SUCO: variants seen among roughly 807,000 people sequenced by gnomAD.
The protein encoded by SUCO is SUN domain containing ossification factor, also known as SUN domain-containing ossification factor.
In SUCO, 57 loss-of-function variants were observed where a neutral mutation model predicts 148.1. The observed-to-expected ratio is 0.38, with a 90% CI of 0.31 to 0.48. The LOEUF is 0.48. Among genes scored for constraint, SUCO ranks in the 20% least tolerant of loss-of-function variants. The pLI is 0.96. For synonymous variants in SUCO, 470 were observed against 502.7 expected, an observed-to-expected ratio of 0.93 and a Z score of 0.87; for missense variants, 1,331 against 1,468.2, an observed-to-expected ratio of 0.91 and a Z score of 1.53.
intron 15 of SUCO, among the ~76,000 whole-genome samples, chr1:172,580,833 G>A (rs1486116221): frequency 2.6e-5 from 4 of 152,150 alleles, no homozygotes; most frequent in Admixed American, 6.5e-5. Context: ...CAGGCACAGC[G>A]GCTCATGCTT....
intron 19 of SUCO, among the ~76,000 whole-genome samples, chr1:172,598,226 T>C (rs1045118186): frequency 6.6e-6 from 1 of 152,222 alleles, no homozygotes; most frequent in Admixed American, 6.5e-5. Context: ...CCACAGAATT[T>C]CCTTTGTATA....
At position 172,535,033 on chromosome 1, in the gene SUCO, A is replaced by AT. The variant is rs1328583997; in HGVS notation, c.62+1539dup. 5.9e-5 allele frequency among the ~76,000 whole-genome samples: 9 copies of AT among 152,296 alleles called. No homozygotes were observed. The East Asian group carries it at 1.7e-3, about 29-fold the overall frequency. ...ATGTGATTCTTACAATCATTTGTAAATTTAAGTTAACTCTGCTTCTATTTC... is the reference window on the plus strand; with the variant it reads ...ATGTGATTCTTACAATCATTTGTAAATTTTAAGTTAACTCTGCTTCTATTTC... On this transcript the variant is annotated intron_variant, in intron 1 of 23. Transcript: ENST00000263688.
intron 14 of SUCO, 28 bp from the exon 15 acceptor site, chr1:172,579,174 T>A (rs955583901): frequency 1.5e-6 from 2 of 1,302,036 alleles, no homozygotes; most frequent in African/African-American, 2.9e-5. Flanking sequence ...GATCTCAGCA[T>A]AATTACTTTT....
intron 15 of SUCO, among the ~76,000 whole-genome samples, chr1:172,580,605 A>C (rs1357650275): frequency 6.6e-6 from 1 of 152,182 alleles, no homozygotes; most frequent in East Asian, 1.9e-4. Context: ...ATGTTGAATT[A>C]GCTCTGAGGA....
At chr1:172,584,659 G>C (rs1211203288) in intron 15 of SUCO, among the ~76,000 whole-genome samples, 2 of 152,118 alleles carry the variant, frequency 1.3e-5, no homozygotes, top group Non-Finnish European at 2.9e-5. Context: ...TGTAGTCCCA[G>C]CTACTCGGGA....
intron 2 of SUCO, 82 bp from the exon 3 acceptor site, chr1:172,553,178 G>GA (rs34585959): frequency 7.3e-6 from 10 of 1,378,598 alleles, no homozygotes; most frequent in South Asian, 2.0e-5. Flanking sequence ...TTAAAGTATG[G>GA]AAAAAAACCA....
chr1:172,578,524 C>A, intron 14 of SUCO, 135 bp downstream of exon 14: 1 of 1,373,316 alleles, frequency 7.3e-7, no homozygotes, highest in East Asian at 2.7e-5. Context: ...GTTTTTAACT[C>A]TAATCAACTT....
intron 1 of SUCO, among the ~76,000 whole-genome samples, chr1:172,539,652 C>T (rs1268188171): frequency 3.9e-5 from 6 of 152,086 alleles, no homozygotes; most frequent in African/African-American, 1.2e-4. Context: ...TATTATGTAG[C>T]GTTTGTAATC....
At chr1:172,550,667 G>A (rs1653224353) in intron 1 of SUCO, among the ~76,000 whole-genome samples, 1 of 151,790 alleles carries the variant, frequency 6.6e-6, no homozygotes, top group South Asian at 2.1e-4. Flanking sequence ...CTATATAGGT[G>A]TCTTTTTAGG....
At chr1:172,560,857 CAAAGA>C (rs1234934301) in intron 6 of SUCO, among the ~76,000 whole-genome samples, 4 of 152,216 alleles carry the variant, frequency 2.6e-5, no homozygotes, top group African/African-American at 9.6e-5. Context: ...TTCATGGCCA[CAAAGA>C]AAAATGAGCT....
intron 15 of SUCO, among the ~76,000 whole-genome samples, chr1:172,583,198 A>C (rs1446963986): frequency 1.3e-5 from 2 of 152,018 alleles, no homozygotes; most frequent in Non-Finnish European, 1.5e-5. Flanking sequence ...TTGGTTTATG[A>C]GGGAATACGG....
intron 1 of SUCO, among the ~76,000 whole-genome samples, chr1:172,534,370 C>T (rs1333141916): frequency 6.6e-6 from 1 of 152,186 alleles, no homozygotes; most frequent in Non-Finnish European, 1.5e-5. Context: ...AAAGATGCTT[C>T]TTCAGTCTAG....
At position 172,589,833 on chromosome 1, in the gene SUCO, A is replaced by G. The variant is rs1206231430; in HGVS notation, c.2732A>G (p.Lys911Arg). 1.2e-6 allele frequency: 2 copies of G among 1,608,170 alleles called. No homozygotes were observed. Among genetic ancestry groups the G allele is most frequent in the South Asian group, 2.2e-5 (2 of 90,460 alleles). ...NGNLVHGSNQ[K>R]ESVFMRLNNR... is the part of the protein sequence containing the mutation. The stretch of plus-strand genomic sequence containing the variant: ...AATCTTGTACATGGATCAAACCAAA[A>G]GGAGTCAGTATTTATGAGACTTAAT... Residue 911 changes from lysine to arginine, a missense_variant, in exon 18 of 24, where the codon AAG (lysine) becomes AGG (arginine). Around this residue, in one of 3 missense-constraint regions of SUCO, gnomAD observed 992 missense variants for 1,093.5 expected, o/e 0.91. Coordinates refer to ENST00000263688, the MANE Select transcript of SUCO (RefSeq NM_014283.5).
Position 172,611,329 on chromosome 1 carries a change from T to G in SUCO, c.*1070T>G, listed in dbSNP as rs1658199391. On this transcript the variant is annotated 3_prime_UTR_variant, in exon 24 of 24. Coordinates refer to ENST00000263688, the MANE Select transcript of SUCO (RefSeq NM_014283.5). Reference sequence around the variant, plus strand: ...ATGTCGATGTCTCTGTCTTTTTTTTTGTCTTTAAAAAATAATTGGCAGCAA... The same window carrying G: ...ATGTCGATGTCTCTGTCTTTTTTTTGGTCTTTAAAAAATAATTGGCAGCAA... 1 of 152,660 alleles carries G rather than the reference T, an allele frequency of 6.6e-6. No individual in the cohort carries two copies. The highest frequency in any genetic ancestry group is 2.1e-4 in the South Asian group (1 of 4,834). 9.5% of individuals were successfully genotyped at this position (152,660 alleles called of 1,614,324 possible).
At chr1:172,549,852 C>CT (rs1449242567) in intron 1 of SUCO, among the ~76,000 whole-genome samples, 1 of 148,210 alleles carries the variant, frequency 6.7e-6, no homozygotes, top group Non-Finnish European at 1.5e-5. Context: ...ACAAGAAAAA[C>CT]TTGTCACCAT....
At chr1:172,563,392 C>T (rs1190999258) in intron 6 of SUCO, among the ~76,000 whole-genome samples, 4 of 152,160 alleles carry the variant, frequency 2.6e-5, no homozygotes, top group African/African-American at 9.7e-5. Flanking sequence ...GAGGTGGTTT[C>T]AGATGGAGAT....
At chr1:172,532,388 A>C (rs1038491347), upstream of SUCO, 1 of 1,013,724 alleles carries the variant, frequency 9.9e-7, no homozygotes. Flanking sequence ...GCAACGAAGC[A>C]CACTTAAAGT....
intron 9 of SUCO, among the ~76,000 whole-genome samples, chr1:172,571,194 G>T (rs1203525150): frequency 1.3e-5 from 2 of 150,614 alleles, no homozygotes; most frequent in Admixed American, 1.3e-4. Context: ...GAGTGCCTGC[G>T]ATTGCAGGCG....
chr1:172,591,124 G>A, intron 19 of SUCO, 53 bp downstream of exon 19: 1 of 1,371,242 alleles, frequency 7.3e-7, no homozygotes, highest in African/African-American at 1.4e-5. Flanking sequence ...ACTGAATTCT[G>A]TAGGGTCTCA....
Sources: gnomAD v4.1 joint callset for allele counts (sites outside exome capture counted in the v4.1 genomes callset) on GRCh38, gnomAD v4.1.1 for gene constraint, gnomAD v4.1.1 regional missense constraint, MANE v1.5 for transcripts, NCBI Gene and HGNC (gene_info 2026-07-23, HGNC 2026-07-21) for gene names.